Variants in XPO4 observed in about 807,000 individuals in gnomAD.
XPO4 encodes exportin 4, also known as exportin-4.
Under a neutral mutation model 143.0 loss-of-function variants are expected in XPO4, and 39 were observed. That is an observed-to-expected ratio of 0.27 (90% confidence interval 0.21 to 0.36). The LOEUF is 0.36. XPO4 is among the 10% of genes least tolerant of loss of function. XPO4 has a pLI of 1.00. For missense variants in XPO4, 907 were observed against 1,348.0 expected (o/e 0.67, Z 5.12); for synonymous variants, 439 against 474.0 (o/e 0.93, Z 0.96).
chr13:20,854,669 T>C (rs1288344652), intron 4 of XPO4, among the ~76,000 whole-genome samples: 1 of 152,150 alleles, frequency 6.6e-6, no homozygotes. Flanking sequence ...TAAAAGTTGA[T>C]AGGTTAAACA....
At chr13:20,865,813 G>A (rs2060239750) in intron 2 of XPO4, among the ~76,000 whole-genome samples, 2 of 152,144 alleles carry the variant, frequency 1.3e-5, no homozygotes, top group South Asian at 4.1e-4. Context: ...TTGACTCAGT[G>A]ATACCTATGC....
At position 20,842,878 on chromosome 13, in the gene XPO4, A is replaced by G. The variant is rs756805912; in HGVS notation, c.727+17T>C. On this transcript the variant is annotated intron_variant, in intron 6 of 22. Transcript: ENST00000255305. Reference sequence around the variant, plus strand: ...GAAAATTACCACAGATAAACTATTCATTTGTTAAAAGGATATAATTTGGAG... The same window carrying G: ...GAAAATTACCACAGATAAACTATTCGTTTGTTAAAAGGATATAATTTGGAG... The G allele has an allele frequency of 2.9e-5, 46 of 1,588,484 alleles. No homozygotes were observed. The highest frequency in any genetic ancestry group is 3.9e-5 in the Non-Finnish European group (45 of 1,162,882).
intron 22 of XPO4, among the ~76,000 whole-genome samples, chr13:20,786,320 T>C (rs1406303880): frequency 6.6e-6 from 1 of 151,180 alleles, no homozygotes; most frequent in Non-Finnish European, 1.5e-5. Flanking sequence ...TATATATATA[T>C]ATATATATGT....
intron 13 of XPO4, among the ~76,000 whole-genome samples, chr13:20,804,847 A>T (rs2059483415): frequency 6.6e-6 from 1 of 152,036 alleles, no homozygotes; most frequent in African/African-American, 2.4e-5. Context: ...CACAACCTCC[A>T]CTATAGGTCT....
chr13:20,853,830 T>A (rs1035198229), intron 4 of XPO4, among the ~76,000 whole-genome samples: 12 of 152,340 alleles, frequency 7.9e-5, no homozygotes, highest in Middle Eastern at 3.4e-3. Context: ...CATCACCAAC[T>A]GCCACAAGTG....
chr13:20,861,086 A>G (rs1595139927), intron 3 of XPO4, among the ~76,000 whole-genome samples: 1 of 152,190 alleles, frequency 6.6e-6, no homozygotes, highest in South Asian at 2.1e-4. Flanking sequence ...GTTTATTGCC[A>G]TTAATCACCA....
intron 16 of XPO4, among the ~76,000 whole-genome samples, chr13:20,797,953 G>A (rs1297393752): frequency 1.3e-5 from 2 of 152,098 alleles, no homozygotes; most frequent in Non-Finnish European, 2.9e-5. Flanking sequence ...AGACCAGCCT[G>A]GCCAACATGG....
At chr13:20,785,868 AGGAGGGAGGGAG>A (rs796264032) in intron 22 of XPO4, among the ~76,000 whole-genome samples, 1 of 108,706 alleles carries the variant, frequency 9.2e-6, no homozygotes, top group Non-Finnish European at 1.8e-5. Context: ...GGGGGAGGAA[AGGAGGGAGGGAG>A]GGAGGGAGAA....
chr13:20,826,126 C>T (rs1595100479), intron 7 of XPO4, among the ~76,000 whole-genome samples: 1 of 152,180 alleles, frequency 6.6e-6, no homozygotes, highest in African/African-American at 2.4e-5. Context: ...CCCCCTATAA[C>T]TGCAAATTAG....
chr13:20,845,279 T>A (rs1485110807), intron 4 of XPO4, among the ~76,000 whole-genome samples: 1 of 152,204 alleles, frequency 6.6e-6, no homozygotes, highest in Non-Finnish European at 1.5e-5. Context: ...AAACCCCATA[T>A]GTTAAAGAAG....
At chr13:20,817,525 G>A (rs973392235) in intron 9 of XPO4, among the ~76,000 whole-genome samples, 3 of 152,000 alleles carry the variant, frequency 2.0e-5, no homozygotes, top group African/African-American at 7.2e-5. Flanking sequence ...TATTTACCAC[G>A]ATTGCCCTTA....
intron 11 of XPO4, 100 bp from the exon 12 acceptor site, chr13:20,808,681 C>A (rs530475071): frequency 1.2e-5 from 12 of 1,017,190 alleles, no homozygotes; most frequent in African/African-American, 1.6e-5. Flanking sequence ...TGAATGTTAG[C>A]GTAAAAACAC....
intron 9 of XPO4, among the ~76,000 whole-genome samples, chr13:20,814,831 C>T (rs1204352187): frequency 6.6e-6 from 1 of 152,216 alleles, no homozygotes; most frequent in Non-Finnish European, 1.5e-5. Flanking sequence ...ATTATGATAT[C>T]AGCACTTATC....
At position 20,799,105 on chromosome 13, in the gene XPO4, T is replaced by C. The variant is rs886890549; in HGVS notation, c.2322+60A>G. On this transcript the variant is annotated intron_variant, in intron 16 of 22. Transcript: ENST00000255305. ...CTCCAGAGACTCTTACGGCAACGCA[T>C]AGATAAAGGAACTACAGAGTTACAC... 1.4e-5 allele frequency: 20 copies of C among 1,438,122 alleles called. No homozygotes were observed. The East Asian group carries it at 2.5e-4, about 18-fold the overall frequency. The allele number at this position is 1,438,122 out of a possible 1,614,324, so 89.1% of individuals were successfully genotyped here. A position where few individuals can be genotyped will look rare whatever the true frequency, so the allele number is the denominator to read the frequency against.
chr13:20,882,673 G>C (rs1376687600), intron 1 of XPO4, among the ~76,000 whole-genome samples: 1 of 151,952 alleles, frequency 6.6e-6, no homozygotes, highest in East Asian at 1.9e-4. Context: ...GGGTCACCTG[G>C]GGTCAGGAGT....
intron 1 of XPO4, among the ~76,000 whole-genome samples, chr13:20,888,807 CTTT>C (rs887901371): frequency 6.9e-6 from 1 of 144,664 alleles, no homozygotes; most frequent in Non-Finnish European, 1.5e-5. Flanking sequence ...CAAAAAGACA[CTTT>C]TTTTTTTTTT....
At position 20,802,233 on chromosome 13, in the gene XPO4, A is replaced by T. The variant is rs182492332; in HGVS notation, c.1818-1243T>A. ...CTACTACACCAGGCCGATTTAAAAAATTTTTGTAAAGACAGGGTTTCGTCA... is the reference window on the plus strand; with the variant it reads ...CTACTACACCAGGCCGATTTAAAAATTTTTTGTAAAGACAGGGTTTCGTCA... On this transcript the variant is annotated intron_variant, in intron 13 of 22. Transcript: ENST00000255305. 3.3e-3 allele frequency among the ~76,000 whole-genome samples: 503 copies of T among 151,932 alleles called. 4 individuals carry two copies. Among genetic ancestry groups the T allele is most frequent in the African/African-American group, 0.012 (484 of 41,420 alleles).
chr13:20,859,680 G>A (rs1305429368), intron 3 of XPO4: 2 of 174,130 alleles, frequency 1.1e-5, no homozygotes, highest in African/African-American at 2.4e-5. Flanking sequence ...GGGAGGCTGG[G>A]GCAGGAGAAT....
In XPO4 at chr13:20,788,593, G is replaced by A; in HGVS notation, c.2940C>T (p.Tyr980=). Residue 980 remains tyrosine (Y), a synonymous_variant, in exon 20 of 23, where the codon TAC becomes TAT. Transcript: ENST00000255305. Reference sequence around the variant, plus strand: ...CACAGATAAATGTGATTAATTTGTAGTACTGATTACAAAGGGTTGGAAACT... The same window carrying A: ...CACAGATAAATGTGATTAATTTGTAATACTGATTACAAAGGGTTGGAAACT... ...LLKFPTLCNQ[Y]YKLITFICEI... 6.2e-7 allele frequency: 1 copy of A among 1,608,252 alleles called. No individual in the cohort carries two copies. Among genetic ancestry groups the A allele is most frequent in the South Asian group, 1.1e-5 (1 of 89,296 alleles).
Sources: allele counts gnomAD v4.1 joint callset (sites outside exome capture counted in the v4.1 genomes callset), GRCh38; gene constraint gnomAD v4.1.1; transcripts MANE v1.5; gene names NCBI Gene and HGNC (gene_info 2026-07-23, HGNC 2026-07-21).